The following CDK14 variants were observed in gnomAD, a reference collection of about 807,000 sequenced individuals.
The protein encoded by CDK14 is cyclin dependent kinase 14.
Under a neutral mutation model 60.7 loss-of-function variants are expected in CDK14, and 34 were observed. The observed-to-expected ratio is 0.56, with a 90% confidence interval of 0.43 to 0.75. CDK14 has a LOEUF of 0.75. CDK14 is among the 30% of genes least tolerant of loss of function. CDK14 has a pLI of 0.00. For missense variants in CDK14, 482 were observed against 564.1 expected (o/e 0.85, Z 1.47); for synonymous variants, 197 against 203.7 (o/e 0.97, Z 0.28).
chr7:90,728,425 GT>G (rs1166172822), intron 3 of CDK14, among the ~76,000 whole-genome samples: 1 of 150,764 alleles, frequency 6.6e-6, no homozygotes, highest in Non-Finnish European at 1.5e-5. Flanking sequence ...TACCTTCTGG[GT>G]TTTTTTAACT....
At chr7:91,027,086 A>T (rs1403581166) in intron 10 of CDK14, among the ~76,000 whole-genome samples, 7 of 152,222 alleles carry the variant, frequency 4.6e-5, no homozygotes, top group Admixed American at 3.3e-4. Context: ...ATGTATATCT[A>T]CTTCAGCATT....
chr7:91,104,316 G>A (rs1799225705), intron 12 of CDK14, among the ~76,000 whole-genome samples: 1 of 152,118 alleles, frequency 6.6e-6, no homozygotes, highest in African/African-American at 2.4e-5. Context: ...ATTGGCAGCA[G>A]CATCTCTGGG....
At chr7:91,050,154 G>A (rs755341028) in intron 11 of CDK14, among the ~76,000 whole-genome samples, 5 of 152,156 alleles carry the variant, frequency 3.3e-5, no homozygotes, top group Non-Finnish European at 7.3e-5. Flanking sequence ...GATACCCTGA[G>A]TCCTTTACCA....
At chr7:90,790,448 A>G (rs1361313059) in intron 4 of CDK14, 125 bp from the exon 5 acceptor site, 2 of 561,558 alleles carry the variant, frequency 3.6e-6, no homozygotes, top group Non-Finnish European at 6.1e-6. Context: ...TTGGTGGTAT[A>G]ATTGAATCAC....
At chr7:90,803,878 AT>A (rs948637681) in intron 5 of CDK14, among the ~76,000 whole-genome samples, 1 of 152,046 alleles carries the variant, frequency 6.6e-6, no homozygotes, top group Admixed American at 6.6e-5. Flanking sequence ...GTCTAACAAG[AT>A]TTTTTTTGTG....
At chr7:91,157,673 A>G (rs1801023264) in intron 14 of CDK14, among the ~76,000 whole-genome samples, 1 of 152,180 alleles carries the variant, frequency 6.6e-6, no homozygotes, top group Non-Finnish European at 1.5e-5. Context: ...AATCATACTC[A>G]TATCCCACAG....
At chr7:90,701,956 G>A (rs1481510264) in intron 2 of CDK14, among the ~76,000 whole-genome samples, 3 of 152,132 alleles carry the variant, frequency 2.0e-5, no homozygotes, top group East Asian at 1.9e-4. Context: ...GCCTCTAAGC[G>A]AATGCTTTCT....
chr7:90,800,065 G>A (rs1320843231), intron 5 of CDK14, among the ~76,000 whole-genome samples: 4 of 152,138 alleles, frequency 2.6e-5, no homozygotes, highest in African/African-American at 9.7e-5. Flanking sequence ...AAACTCTGTA[G>A]TATTGAACTT....
At chr7:90,918,445 A>G (rs773229210) in intron 8 of CDK14, among the ~76,000 whole-genome samples, 45 of 152,192 alleles carry the variant, frequency 3.0e-4, no homozygotes, top group Non-Finnish European at 4.9e-4. Context: ...TTGAGCATCC[A>G]AAGGGAAGCA....
chr7:90,770,323 T>C (rs1243260601), intron 4 of CDK14, among the ~76,000 whole-genome samples: 1 of 152,270 alleles, frequency 6.6e-6, no homozygotes, highest in Non-Finnish European at 1.5e-5. Context: ...CTTGGAATTC[T>C]AACTTTTTAG....
intron 14 of CDK14, among the ~76,000 whole-genome samples, chr7:91,158,080 T>TATATATACATTATATA (rs1801039459): frequency 2.6e-5 from 3 of 113,330 alleles, no homozygotes; most frequent in Non-Finnish European, 6.6e-5. Flanking sequence ...TATACATTAA[T>TATATATACATTATATA]TATATACATT....
intron 3 of CDK14, among the ~76,000 whole-genome samples, chr7:90,736,865 T>G (rs950535582): frequency 1.1e-4 from 17 of 152,192 alleles, no homozygotes; most frequent in Non-Finnish European, 1.8e-4. Context: ...ATTAGGAGCC[T>G]TGACTGAAAT....
At chr7:90,728,574 G>A (rs73222517) in intron 3 of CDK14, among the ~76,000 whole-genome samples, 22,194 of 151,986 alleles carry the variant, frequency 0.15, 1,794 homozygotes, top group Middle Eastern at 0.25. Flanking sequence ...ATATGTTTCT[G>A]AGGATACAAA....
chr7:90,829,895 C>G (rs765943120), intron 5 of CDK14, among the ~76,000 whole-genome samples: 3 of 152,206 alleles, frequency 2.0e-5, no homozygotes, highest in African/African-American at 4.8e-5. Flanking sequence ...CCAGGGCACT[C>G]TCATGCAAAG....
At chr7:91,045,058 AG>A (rs953555729) in intron 10 of CDK14, among the ~76,000 whole-genome samples, 5 of 152,202 alleles carry the variant, frequency 3.3e-5, no homozygotes, top group Non-Finnish European at 5.9e-5. Context: ...GCTGGTAAAT[AG>A]GGGAGCAAGG....
At chr7:90,736,744 T>C (rs1803130609) in intron 3 of CDK14, among the ~76,000 whole-genome samples, 1 of 152,186 alleles carries the variant, frequency 6.6e-6, no homozygotes, top group Non-Finnish European at 1.5e-5. Flanking sequence ...AGCCACTGTT[T>C]TAATGAGGAA....
At chr7:90,888,726 A>G (rs1490248769) in intron 6 of CDK14, among the ~76,000 whole-genome samples, 1 of 152,162 alleles carries the variant, frequency 6.6e-6, no homozygotes. Context: ...ACTCCAGAAT[A>G]TTTTGTGTGG....
At chr7:90,630,651 A>G (rs1294644205) in intron 2 of CDK14, among the ~76,000 whole-genome samples, 4 of 152,210 alleles carry the variant, frequency 2.6e-5, no homozygotes, top group Non-Finnish European at 2.9e-5. Context: ...TATTATGTAT[A>G]TAACTGCACT....
At position 90,751,230 on chromosome 7, in the gene CDK14, C is replaced by T. The variant is rs111877706; in HGVS notation, c.464+3455C>T. Reference sequence around the variant, plus strand: ...AATGAACACCACCAAGACTTACTCACCAGGATGTCTAAGGTCAATGCTAAA... The same window carrying T: ...AATGAACACCACCAAGACTTACTCATCAGGATGTCTAAGGTCAATGCTAAA... On this transcript the variant is annotated intron_variant, in intron 4 of 14. Transcript: ENST00000380050. 3.5e-3 allele frequency among the ~76,000 whole-genome samples: 539 copies of T among 152,044 alleles called. 4 individuals carry two copies. The highest frequency in any genetic ancestry group is 0.018 in the South Asian group (84 of 4,768).
Sources: gnomAD v4.1 joint callset for allele counts (sites outside exome capture counted in the v4.1 genomes callset) on GRCh38, gnomAD v4.1.1 for gene constraint, MANE v1.5 for transcripts, NCBI Gene and HGNC (gene_info 2026-07-23, HGNC 2026-07-21) for gene names.